The following SLC7A6 variants were observed in gnomAD, a reference collection of about 807,000 sequenced individuals.
SLC7A6 encodes solute carrier family 7 member 6, also known as Y+L amino acid transporter 2.
A neutral mutation model predicts 46.6 loss-of-function variants in SLC7A6; 29 were observed. That is an observed-to-expected ratio of 0.62 (90% CI 0.46 to 0.85). The LOEUF (loss-of-function observed/expected upper bound fraction) is 0.85. SLC7A6 is among the 40% of genes least tolerant of loss of function. The pLI, the probability that SLC7A6 is intolerant of heterozygous loss-of-function variation, is 0.00. For missense variants in SLC7A6, 527 were observed against 647.6 expected (o/e 0.81, Z 2.02); for synonymous variants, 276 against 257.3 (o/e 1.07, Z -0.70).
rs903906107 is a variant in SLC7A6 at position 68,296,804 on chromosome 16, G to A, written c.1447G>A (p.Val483Ile). ...ESRRPLFIRN[V>I]LAAITRGTQQ... is the part of the protein sequence containing the mutation. Reference sequence around the variant, plus strand: ...CCGGAGGCCATTGTTTATTCGGAATGTCCTGGGTGAGCTTCTCTGTGCCCC... The same window carrying A: ...CCGGAGGCCATTGTTTATTCGGAATATCCTGGGTGAGCTTCTCTGTGCCCC... The change falls in exon 10 of 11, where the codon GTC becomes ATC. Residue 483 changes from valine to isoleucine, a missense_variant. Transcript: ENST00000219343. 5 of 1,614,000 alleles carry A rather than the reference G, an allele frequency of 3.1e-6. No homozygotes were observed. Among genetic ancestry groups the A allele is most frequent in the Non-Finnish European group, 4.2e-6 (5 of 1,180,020 alleles).
rs114198745 is a variant in SLC7A6, at chr16:68,264,969, C to T, written c.-166+393C>T. 0.037 allele frequency among the ~76,000 whole-genome samples: 5,568 copies of T among 152,220 alleles called. 309 individuals carry two copies. Among genetic ancestry groups the T allele is most frequent in the African/African-American group, 0.12 (5,059 of 41,518 alleles). ...CTGAGTGCGCGGGCCGCGCCGCGAG[C>T]GTGAGACTGTGCGACGGTGACCCTG... On this transcript the variant is annotated intron_variant, in intron 1 of 10. Transcript: ENST00000219343. The surrounding 1 kb of genome is among the most constrained non-coding windows in gnomAD (Gnocchi z 5.8).
chr16:68,274,611 G>A (rs762654600), intron 2 of SLC7A6, 80 bp from the exon 3 acceptor site: 61 of 1,216,344 alleles, frequency 5.0e-5, no homozygotes, highest in Non-Finnish European at 6.6e-5. Context: ...TCCCTAAATA[G>A]GAAGTGGGCA....
rs34772168 is a variant in SLC7A6, at chr16:68,288,178, T to A, written c.649+307T>A. Among the ~76,000 whole-genome samples the A allele has an allele frequency of 4.4e-3, 677 of 152,226 alleles. 2 individuals are homozygous for A. The highest frequency in any genetic ancestry group is 7.8e-3 in the Non-Finnish European group (530 of 68,012). On this transcript the variant is annotated intron_variant, in intron 4 of 10. Transcript: ENST00000219343. Reference sequence around the variant, plus strand: ...TCATGATTGGGTCATAAAAGTAATCTGTGGGGATAGAGTGGCTCCTGTTTG... The same window carrying A: ...TCATGATTGGGTCATAAAAGTAATCAGTGGGGATAGAGTGGCTCCTGTTTG...
rs1405069820 is a variant in SLC7A6 at position 68,297,347 on chromosome 16, T to A, written c.*19T>A. The A allele has an allele frequency of 2.0e-5, 32 of 1,610,824 alleles. No individual in the cohort carries two copies. Among genetic ancestry groups the A allele is most frequent in the Non-Finnish European group, 2.7e-5 (32 of 1,177,594 alleles). Reference sequence around the variant, plus strand: ...TGACTAGAGGTCAGAGGTGGCTTTCTGAGGCCTGGAAGGCAGGCCAACCAG... The same window carrying A: ...TGACTAGAGGTCAGAGGTGGCTTTCAGAGGCCTGGAAGGCAGGCCAACCAG... On this transcript the variant is annotated 3_prime_UTR_variant, in exon 11 of 11. Transcript: ENST00000219343.
chr16:68,271,763 A>G (rs934424899), intron 2 of SLC7A6, among the ~76,000 whole-genome samples: 1 of 151,490 alleles, frequency 6.6e-6, no homozygotes, highest in African/African-American at 2.4e-5. Flanking sequence ...AACTTTAACT[A>G]CTTTTGCCAA....
chr16:68,301,661 G>A lies in SLC7A6; in HGVS notation c.*4333G>A, dbSNP rs973270955. On this transcript the variant is annotated 3_prime_UTR_variant, in exon 11 of 11. Transcript: ENST00000219343. ...GAGTATTTTGTCACTTCTCCCCTCC[G>A]TATAGGATTTTTTGTTGTTGTAAGA... 17 of 294,078 alleles carry A rather than the reference G, an allele frequency of 5.8e-5. No individual in the cohort carries two copies. Among genetic ancestry groups the A allele is most frequent in the Middle Eastern group, 1.0e-3 (1 of 994 alleles). 18.2% of individuals were successfully genotyped at this position (294,078 alleles called of 1,614,324 possible). A position where few individuals can be genotyped will look rare whatever the true frequency, so the allele number is the denominator to read the frequency against.
chr16:68,295,653 T>C (rs1044467982), intron 8 of SLC7A6, among the ~76,000 whole-genome samples: 5 of 152,224 alleles, frequency 3.3e-5, no homozygotes, highest in African/African-American at 9.6e-5. Context: ...TTTAAATCCT[T>C]TGTTGATAAT....
intron 3 of SLC7A6, among the ~76,000 whole-genome samples, chr16:68,286,029 G>A (rs536081835): frequency 2.1e-5 from 3 of 145,858 alleles, no homozygotes; most frequent in East Asian, 4.0e-4. Context: ...CCTGGACATC[G>A]AGGCTGCAGT....
Position 68,274,888 on chromosome 16 carries a change from G to A in SLC7A6, c.162G>A (p.Val54=), listed in dbSNP as rs753446770. 1 of 1,614,184 alleles carries A rather than the reference G, an allele frequency of 6.2e-7. No homozygotes were observed. The highest frequency in any genetic ancestry group is 8.5e-7 in the Non-Finnish European group (1 of 1,180,030). Residue 54 remains valine (V), a synonymous_variant, in exon 3 of 11, where the codon GTG becomes GTA. Transcript: ENST00000219343. ...CCCTGCTGAATGGGGTCAGCCTGGT[G>A]GTGGGCAACATGATCGGCTCAGGGA... The part of the protein sequence containing the change: ...EISLLNGVSL[V]VGNMIGSGIF...
At chr16:68,279,046 A>G (rs1447626762) in intron 3 of SLC7A6, among the ~76,000 whole-genome samples, 1 of 152,124 alleles carries the variant, frequency 6.6e-6, no homozygotes, top group East Asian at 1.9e-4. Flanking sequence ...AAAAAAATTA[A>G]TATTGGCTGG....
intron 3 of SLC7A6, chr16:68,287,519 G>A (rs967128905): frequency 1.9e-5 from 27 of 1,415,642 alleles, no homozygotes; most frequent in South Asian, 1.7e-4. Flanking sequence ...ATGTGTTCAC[G>A]CATGCCTTCA....
intron 3 of SLC7A6, among the ~76,000 whole-genome samples, chr16:68,285,596 C>T (rs2042913989): frequency 6.6e-6 from 1 of 152,158 alleles, no homozygotes; most frequent in Non-Finnish European, 1.5e-5. Context: ...AGTGAAAGCT[C>T]TTTGAAGCCA....
intron 3 of SLC7A6, among the ~76,000 whole-genome samples, chr16:68,278,193 G>T (rs572551267): frequency 1.4e-4 from 21 of 151,136 alleles, no homozygotes; most frequent in Non-Finnish European, 2.2e-4. Flanking sequence ...TTGACCTCGT[G>T]ATCCGCCTGC....
In SLC7A6 at chr16:68,297,460, A is replaced by G. The variant is rs2043193096; in HGVS notation, c.*132A>G. On this transcript the variant is annotated 3_prime_UTR_variant, in exon 11 of 11. Transcript: ENST00000219343. ...CAATCATATAGTGGGGCTCAGGGCCAGTGCTCACTCTTATTGGTAAGCTAT... is the reference window on the plus strand; with the variant it reads ...CAATCATATAGTGGGGCTCAGGGCCGGTGCTCACTCTTATTGGTAAGCTAT... The G allele has an allele frequency of 1.8e-6, 1 of 561,500 alleles. No individual in the cohort carries two copies. Among genetic ancestry groups the G allele is most frequent in the Admixed American group, 3.3e-5 (1 of 30,132 alleles). The allele number at this position is 561,500 out of a possible 1,614,324, so 34.8% of individuals were successfully genotyped here.
At chr16:68,265,624 C>CT (rs1469122629) in intron 1 of SLC7A6, 1 of 152,144 alleles carries the variant, frequency 6.6e-6, no homozygotes, top group Non-Finnish European at 1.5e-5. Flanking sequence ...AGTTCCACCT[C>CT]TTTTTGGTGG....
chr16:68,301,347 C>A lies in SLC7A6; in HGVS notation c.*4019C>A, dbSNP rs772884292. 1.9e-6 allele frequency: 3 copies of A among 1,614,192 alleles called. No homozygotes were observed. The South Asian group carries it at 3.3e-5, about 18-fold the overall frequency. Reference sequence around the variant, plus strand: ...GCACATCCAGAGGGTACTTGCTCCACATCCGCTGTCTGCTGCTGCCTCTTT... The same window carrying A: ...GCACATCCAGAGGGTACTTGCTCCAAATCCGCTGTCTGCTGCTGCCTCTTT... On this transcript the variant is annotated 3_prime_UTR_variant, in exon 11 of 11. Transcript: ENST00000219343.
chr16:68,298,498 T>A lies in SLC7A6; in HGVS notation c.*1170T>A, dbSNP rs759354849. ...TTCTGTCCCTGGCACCAGGCTTTGTTTACACTTGGAGCCACCTTGGTGTGG... is the reference window on the plus strand; with the variant it reads ...TTCTGTCCCTGGCACCAGGCTTTGTATACACTTGGAGCCACCTTGGTGTGG... On this transcript the variant is annotated 3_prime_UTR_variant, in exon 11 of 11. Transcript: ENST00000219343. 1 of 152,262 alleles carries A rather than the reference T, an allele frequency of 6.6e-6. No homozygotes were observed. Among genetic ancestry groups the A allele is most frequent in the Non-Finnish European group, 1.5e-5 (1 of 68,060 alleles). The allele number at this position is 152,262 out of a possible 1,614,324, so 9.4% of individuals were successfully genotyped here.
intron 2 of SLC7A6, among the ~76,000 whole-genome samples, chr16:68,271,607 G>A (rs945761780): frequency 7.2e-5 from 11 of 152,152 alleles, no homozygotes; most frequent in Non-Finnish European, 1.3e-4. Flanking sequence ...GCCCTGCCAA[G>A]GTGAAGTTTA....
intron 2 of SLC7A6, among the ~76,000 whole-genome samples, chr16:68,274,106 A>G (rs1022804240): frequency 6.6e-6 from 1 of 152,130 alleles, no homozygotes; most frequent in East Asian, 1.9e-4. Context: ...AGTCACTACA[A>G]TGACTAAACC....
Sources: allele counts gnomAD v4.1 joint callset (sites outside exome capture counted in the v4.1 genomes callset), GRCh38; gene constraint gnomAD v4.1.1; non-coding constraint Gnocchi (gnomAD v3.1); transcripts MANE v1.5; gene names NCBI Gene and HGNC (gene_info 2026-07-23, HGNC 2026-07-21).